GLRA3: variants seen among roughly 807,000 people sequenced by gnomAD.
GLRA3 encodes the protein glycine receptor alpha 3.
A neutral mutation model predicts 60.4 loss-of-function variants in GLRA3; 44 were observed. The ratio of observed to expected loss-of-function variants is 0.73; its 90% CI spans 0.57 to 0.94. The LOEUF (loss-of-function observed/expected upper bound fraction) is 0.94. GLRA3 is among the 40% of genes least tolerant of loss of function. The probability of loss-of-function intolerance (pLI) is 0.00; values close to 1 mark genes in which losing one functional copy is unlikely to be tolerated. For missense variants in GLRA3, 508 were observed against 564.6 expected, an observed-to-expected ratio of 0.90 and a Z score of 1.02; for synonymous variants, 223 against 192.9, an observed-to-expected ratio of 1.16 and a Z score of -1.29.
At chr4:174,752,553 A>T in intron 3 of GLRA3, among the ~76,000 whole-genome samples, 1 of 152,044 alleles carries the variant, frequency 6.6e-6, no homozygotes, top group Non-Finnish European at 1.5e-5. Context: ...GAGTCCTTAT[A>T]GGAAAAGGTA....
chr4:174,729,270 A>G (rs989235053), intron 3 of GLRA3, among the ~76,000 whole-genome samples: 4 of 152,236 alleles, frequency 2.6e-5, no homozygotes, highest in African/African-American at 9.6e-5. Flanking sequence ...ATTTTAGTAG[A>G]TATCCAATAA....
Position 174,767,007 on chromosome 4 carries a change from T to C in GLRA3, c.223A>G (p.Asn75Asp). The C allele has an allele frequency of 2.5e-6, 4 of 1,602,108 alleles. No individual in the cohort carries two copies. Among genetic ancestry groups the C allele is most frequent in the Non-Finnish European group, 3.4e-6 (4 of 1,169,948 alleles). The change falls in exon 3 of 10, where the codon AAC becomes GAC. Residue 75 changes from asparagine (N) to aspartate (D), a missense_variant. This residue lies in a region of GLRA3 where 329 missense variants were observed against 349.3 expected (regional missense o/e 0.94). Coordinates refer to ENST00000274093, the MANE Select transcript of GLRA3 (RefSeq NM_006529.4). ...GAGCCAAAGCTGTTGATGAATATGTTGCATGTGACATTAACTGGAGGGCCT... is the reference window on the plus strand; with the variant it reads ...GAGCCAAAGCTGTTGATGAATATGTCGCATGTGACATTAACTGGAGGGCCT... ...FKGPPVNVTC[N>D]IFINSFGSIA...
chr4:174,799,762 A>G (rs780898413), intron 1 of GLRA3, among the ~76,000 whole-genome samples: 9 of 152,164 alleles, frequency 5.9e-5, no homozygotes, highest in Non-Finnish European at 1.2e-4. Flanking sequence ...CATATTAAAT[A>G]CATCATTTTG....
chr4:174,728,451 C>T (rs772265168), intron 4 of GLRA3, 24 bp downstream of exon 4: 16 of 1,242,084 alleles, frequency 1.3e-5, no homozygotes, highest in Admixed American at 5.4e-5. Flanking sequence ...TCACTGAAAT[C>T]GGCAATTTAA....
chr4:174,767,529 T>C (rs1385463532), intron 2 of GLRA3, among the ~76,000 whole-genome samples: 2 of 152,152 alleles, frequency 1.3e-5, no homozygotes, highest in Non-Finnish European at 2.9e-5. Context: ...GTTTGTTCTT[T>C]AGTGACTTAC....
chr4:174,810,406 A>G (rs1373167831), intron 1 of GLRA3, among the ~76,000 whole-genome samples: 1 of 151,956 alleles, frequency 6.6e-6, no homozygotes, highest in Non-Finnish European at 1.5e-5. Context: ...GATAAGTAGT[A>G]TTAATCCCCT....
intron 7 of GLRA3, among the ~76,000 whole-genome samples, chr4:174,676,817 C>A (rs1734137045): frequency 6.6e-6 from 1 of 151,870 alleles, no homozygotes; most frequent in African/African-American, 2.4e-5. Flanking sequence ...CAAATAATTC[C>A]ATAGTGTATA....
chr4:174,715,837 A>G (rs929364048), intron 4 of GLRA3, among the ~76,000 whole-genome samples: 1 of 152,156 alleles, frequency 6.6e-6, no homozygotes, highest in Non-Finnish European at 1.5e-5. Flanking sequence ...CAAAACAGCA[A>G]TTACTTTTGC....
chr4:174,640,311 A>G lies in GLRA3; in HGVS notation c.*3475T>C, dbSNP rs1478512700. On this transcript the variant is annotated 3_prime_UTR_variant, in exon 10 of 10. Coordinates refer to ENST00000274093, the MANE Select transcript of GLRA3 (RefSeq NM_006529.4). ...CTGTCAGTTTCCTTCTTTTCCATTT[A>G]CAAAATACTGCAAGTATTTTCCATT... 2.0e-5 allele frequency: 3 copies of G among 152,030 alleles called. No homozygotes were observed. The highest frequency in any genetic ancestry group is 6.6e-5 in the Admixed American group (1 of 15,236). The allele number at this position is 152,030 out of a possible 1,614,324, so 9.4% of individuals were successfully genotyped here.
intron 6 of GLRA3, among the ~76,000 whole-genome samples, chr4:174,681,905 C>A (rs1270105069): frequency 6.6e-6 from 1 of 152,122 alleles, no homozygotes; most frequent in East Asian, 1.9e-4. Context: ...TCAGCTTCAT[C>A]TCTGAGTTAA....
At chr4:174,712,625 C>T (rs2877828) in intron 5 of GLRA3, 26,671 of 152,022 alleles carry the variant, frequency 0.18, 2,553 homozygotes, top group East Asian at 0.33. Flanking sequence ...CTACTTCCCA[C>T]GTCTTAATAT....
rs181202422 is a variant in GLRA3 at position 174,733,407 on chromosome 4, C to T, written c.268-4709G>A. On this transcript the variant is annotated intron_variant, in intron 3 of 9. Transcript: ENST00000274093. ...GTGTTTTTTTGACATCTTAAAAAAT[C>T]CTTCTGGCTGTGAAGAGACTACCTC... 1.8e-3 allele frequency among the ~76,000 whole-genome samples: 278 copies of T among 152,220 alleles called. 1 individual carries two copies. Among genetic ancestry groups the T allele is most frequent in the Non-Finnish European group, 3.5e-3 (240 of 68,000 alleles).
chr4:174,728,117 C>G (rs1374560089), intron 4 of GLRA3, among the ~76,000 whole-genome samples: 1 of 152,126 alleles, frequency 6.6e-6, no homozygotes, highest in Non-Finnish European at 1.5e-5. Context: ...CTAAACATTT[C>G]TTAACCTGTA....
intron 7 of GLRA3, among the ~76,000 whole-genome samples, chr4:174,675,005 G>A (rs892077839): frequency 4.6e-5 from 7 of 152,096 alleles, no homozygotes; most frequent in Non-Finnish European, 1.0e-4. Context: ...CTTGGGGTCT[G>A]CCCTACTAAA....
At chr4:174,735,457 T>G (rs77593075) in intron 3 of GLRA3, among the ~76,000 whole-genome samples, 4,028 of 152,346 alleles carry the variant, frequency 0.026, 82 homozygotes, top group Non-Finnish European at 0.039. Context: ...AACAGAATAT[T>G]GTCTCTGGAT....
intron 3 of GLRA3, among the ~76,000 whole-genome samples, chr4:174,760,043 G>A (rs17060859): frequency 0.074 from 11,320 of 152,164 alleles, 800 homozygotes; most frequent in East Asian, 0.38. Context: ...AGAATGCCTT[G>A]AAGAGTAGAA....
intron 3 of GLRA3, among the ~76,000 whole-genome samples, chr4:174,755,783 A>G (rs887773667): frequency 6.6e-6 from 1 of 152,142 alleles, no homozygotes; most frequent in African/African-American, 2.4e-5. Context: ...GAAAGAACAA[A>G]TGAAGAGACA....
intron 5 of GLRA3, among the ~76,000 whole-genome samples, chr4:174,699,293 T>C (rs1735204488): frequency 1.3e-5 from 2 of 152,212 alleles, no homozygotes; most frequent in Admixed American, 1.3e-4. Context: ...TGAGCCACCA[T>C]GTCTGGCCAT....
chr4:174,715,619 A>C (rs756148932), intron 4 of GLRA3, 49 bp from the exon 5 acceptor site: 1 of 853,712 alleles, frequency 1.2e-6, no homozygotes, highest in Non-Finnish European at 2.0e-6. Flanking sequence ...ACATTATATT[A>C]ATATTCTATT....
Sources: gnomAD v4.1 joint callset for allele counts (sites outside exome capture counted in the v4.1 genomes callset) on GRCh38, gnomAD v4.1.1 for gene constraint, gnomAD v4.1.1 regional missense constraint, MANE v1.5 for transcripts, NCBI Gene and HGNC (gene_info 2026-07-23, HGNC 2026-07-21) for gene names.